The following HMCN1 variants were observed in gnomAD, a reference collection of about 807,000 sequenced individuals.
HMCN1 encodes hemicentin 1.
Under a neutral mutation model 625.9 loss-of-function variants are expected in HMCN1, and 321 were observed. That is an observed-to-expected ratio of 0.51 (90% CI 0.47 to 0.56). HMCN1 has a LOEUF of 0.56. HMCN1 is among the 20% of genes least tolerant of loss of function. The pLI, the probability that HMCN1 is intolerant of heterozygous loss-of-function variation, is 0.00. For synonymous variants in HMCN1, 2,425 were observed against 2,417.6 expected, an observed-to-expected ratio of 1.00 and a Z score of -0.09; for missense variants, 6,588 against 6,887.3, an observed-to-expected ratio of 0.96 and a Z score of 1.54.
Position 186,145,861 on chromosome 1 carries a change from G to A in HMCN1, c.14546G>A (p.Gly4849Asp). 6.2e-7 allele frequency: 1 copy of A among 1,614,048 alleles called. No homozygotes were observed. The highest frequency in any genetic ancestry group is 8.5e-7 in the Non-Finnish European group (1 of 1,180,010). The change falls in exon 93 of 107, where the codon GGT becomes GAT. Residue 4849 changes from glycine (G) to aspartate (D), a missense_variant. This residue lies in a region of HMCN1 where 1,954 missense variants were observed against 2,013.1 expected (regional missense o/e 0.97). Coordinates refer to ENST00000271588, the MANE Select transcript of HMCN1 (RefSeq NM_031935.3). ...RLCDHPVPVK[G>D]GRPCPGDTTQ... The stretch of plus-strand genomic sequence containing the variant: ...TGCGACCATCCTGTGCCAGTTAAAG[G>A]TGGCCGTCCCTGTCCCGGAGACACT...
rs143973701 is a variant in HMCN1, at chr1:186,111,800, A to G, written c.10990-1012A>G. ...AAGGTAACATAATTTTATCACTAATAGCCCCAATAGAAATGAAAGGAATAG... is the reference window on the plus strand; with the variant it reads ...AAGGTAACATAATTTTATCACTAATGGCCCCAATAGAAATGAAAGGAATAG... On this transcript the variant is annotated intron_variant, in intron 71 of 106. Transcript: ENST00000271588. 3.0e-3 allele frequency among the ~76,000 whole-genome samples: 458 copies of G among 152,348 alleles called. 12 individuals carry two copies. In the South Asian group the frequency reaches 0.043, roughly 14 times the overall value.
At chr1:186,080,929 T>C (rs896654630) in intron 55 of HMCN1, among the ~76,000 whole-genome samples, 1 of 152,134 alleles carries the variant, frequency 6.6e-6, no homozygotes, top group Non-Finnish European at 1.5e-5. Flanking sequence ...GTAAAAGATA[T>C]ATTGGAGAAG....
chr1:185,971,121 G>C lies in HMCN1; in HGVS notation c.2371+628G>C, dbSNP rs1453976600. Among the ~76,000 whole-genome samples the C allele has an allele frequency of 1.1e-4, 17 of 152,288 alleles. No individual in the cohort carries two copies. In the East Asian group the frequency reaches 3.1e-3, roughly 28 times the overall value. Reference sequence around the variant, plus strand: ...GAACCTGGATATTTGAACTCAAGTTGCTGTTTCCCTACGAAGAGTCATCCA... The same window carrying C: ...GAACCTGGATATTTGAACTCAAGTTCCTGTTTCCCTACGAAGAGTCATCCA... On this transcript the variant is annotated intron_variant, in intron 15 of 106. Coordinates refer to ENST00000271588, the MANE Select transcript of HMCN1 (RefSeq NM_031935.3).
chr1:185,890,748 G>A, intron 4 of HMCN1, among the ~76,000 whole-genome samples: 1 of 72,424 alleles, frequency 1.4e-5, no homozygotes, highest in African/African-American at 7.5e-5. Flanking sequence ...GTCAATTTTG[G>A]AATAGGTGTG....
Position 186,087,451 on chromosome 1 carries a change from A to G in HMCN1, c.9169A>G (p.Ser3057Gly). The change falls in exon 60 of 107, where the codon AGC becomes GGC. Residue 3057 changes from serine to glycine, a missense_variant. Transcript: ENST00000271588. ...TTATTTTCTTCCCTCAGTGCCCCCA[A>G]GCATTAAAGACCATGACAGTGAATC... ...KFSLTVYVPP[S>G]IKDHDSESLS... is the part of the protein sequence containing the mutation. 2 of 1,613,200 alleles carry G rather than the reference A, an allele frequency of 1.2e-6. No homozygotes were observed. Among genetic ancestry groups the G allele is most frequent in the Non-Finnish European group, 1.7e-6 (2 of 1,179,414 alleles).
chr1:185,782,820 T>A (rs940534013), intron 1 of HMCN1, among the ~76,000 whole-genome samples: 14 of 152,176 alleles, frequency 9.2e-5, no homozygotes, highest in African/African-American at 1.4e-4. Flanking sequence ...GACAATTATG[T>A]GTCTTGGAGT....
chr1:185,964,035 A>T (rs1039922073), intron 13 of HMCN1, 140 bp downstream of exon 13: 2 of 745,644 alleles, frequency 2.7e-6, no homozygotes, highest in African/African-American at 3.5e-5. Context: ...CACTGATTGA[A>T]GCAAATATTG....
At chr1:185,823,917 T>C (rs1025248295) in intron 1 of HMCN1, among the ~76,000 whole-genome samples, 21 of 152,212 alleles carry the variant, frequency 1.4e-4, no homozygotes, top group African/African-American at 5.1e-4. Context: ...TTCTACTTTT[T>C]ATTTATTTCA....
intron 1 of HMCN1, among the ~76,000 whole-genome samples, chr1:185,823,086 A>G (rs1054712911): frequency 7.2e-5 from 11 of 152,120 alleles, no homozygotes; most frequent in African/African-American, 2.4e-4. Flanking sequence ...TTCAGACATT[A>G]TATCATGAGT....
rs771102845 is a variant in HMCN1, at chr1:186,007,242, A to C, written c.4590A>C (p.Ala1530=). The change falls in exon 30 of 107, where the codon GCA becomes GCC. Residue 1530 remains alanine, a synonymous_variant. Transcript: ENST00000271588. ...KGRYQCTVSN[A]AGKQAKDIKL... ...GCTACCAATGTACTGTGTCTAATGC[A>C]GCTGGCAAACAAGCCAAGGATATAA... 5 of 1,613,818 alleles carry C rather than the reference A, an allele frequency of 3.1e-6. No individual in the cohort carries two copies. Among genetic ancestry groups the C allele is most frequent in the Non-Finnish European group, 4.2e-6 (5 of 1,179,748 alleles).
chr1:186,037,928 T>C lies in HMCN1; in HGVS notation c.5750-6T>C. 6.4e-7 allele frequency: 1 copy of C among 1,565,948 alleles called. No individual in the cohort carries two copies. The highest frequency in any genetic ancestry group is 8.8e-7 in the Non-Finnish European group (1 of 1,136,146). ...AGAAATAATTATCTGTTTGGGCCTC[T>C]TGTAGAACCACCTAGTCTGGAAGAT... On this transcript the variant is annotated splice_region_variant and splice_polypyrimidine_tract_variant and intron_variant, in intron 36 of 106. Coordinates refer to ENST00000271588, the MANE Select transcript of HMCN1 (RefSeq NM_031935.3).
chr1:185,905,085 A>C (rs976145135), intron 4 of HMCN1, among the ~76,000 whole-genome samples: 2 of 151,916 alleles, frequency 1.3e-5, no homozygotes, highest in Admixed American at 6.6e-5. Context: ...AAAACCATGC[A>C]TACAAGTTTG....
intron 4 of HMCN1, among the ~76,000 whole-genome samples, chr1:185,883,878 GATTTTTT>G: frequency 1.1e-5 from 1 of 93,696 alleles, no homozygotes; most frequent in African/African-American, 4.5e-5. Context: ...TATAGGTCAT[GATTTTTT>G]TTTTTTTTTT....
At chr1:185,943,780 G>A (rs1041229607) in intron 11 of HMCN1, among the ~76,000 whole-genome samples, 15 of 152,170 alleles carry the variant, frequency 9.9e-5, no homozygotes, top group African/African-American at 3.4e-4. Flanking sequence ...GAGGTGAGGG[G>A]ATGGGGATGA....
At chr1:186,015,886 T>C in intron 31 of HMCN1, 72 bp from the exon 32 acceptor site, 2 of 1,399,674 alleles carry the variant, frequency 1.4e-6, no homozygotes, top group South Asian at 1.2e-5. Flanking sequence ...CAAAAGCTCT[T>C]CTTTATTTCA....
intron 104 of HMCN1, among the ~76,000 whole-genome samples, chr1:186,179,204 T>A (rs1652786871): frequency 2.0e-5 from 3 of 152,212 alleles, no homozygotes. Flanking sequence ...TTGTTCTGTA[T>A]AACAACCAAC....
At chr1:185,874,461 A>G (rs1259312859) in intron 4 of HMCN1, among the ~76,000 whole-genome samples, 1 of 152,032 alleles carries the variant, frequency 6.6e-6, no homozygotes, top group Admixed American at 6.6e-5. Flanking sequence ...CATGCTTCAT[A>G]TATTTTCCAG....
chr1:185,840,509 G>A (rs1250301437), intron 1 of HMCN1, among the ~76,000 whole-genome samples: 1 of 152,016 alleles, frequency 6.6e-6, no homozygotes, highest in Non-Finnish European at 1.5e-5. Flanking sequence ...CTATTAATTT[G>A]GTGTTCGCTT....
intron 82 of HMCN1, among the ~76,000 whole-genome samples, chr1:186,127,201 T>G (rs1571390041): frequency 6.6e-6 from 1 of 151,512 alleles, no homozygotes; most frequent in African/African-American, 2.4e-5. Context: ...AATCGGGAGG[T>G]CAGTTTTGGG....
Sources: gnomAD v4.1 joint callset for allele counts (sites outside exome capture counted in the v4.1 genomes callset) on GRCh38, gnomAD v4.1.1 for gene constraint, gnomAD v4.1.1 regional missense constraint, MANE v1.5 for transcripts, NCBI Gene and HGNC (gene_info 2026-07-23, HGNC 2026-07-21) for gene names.